The following AXDND1 variants were observed in gnomAD, a reference collection of about 807,000 sequenced individuals.
The protein encoded by AXDND1 is axonemal dynein light chain domain containing 1.
A neutral mutation model predicts 137.5 loss-of-function variants in AXDND1; 110 were observed. The observed-to-expected ratio is 0.80, with a 90% CI of 0.69 to 0.94. The LOEUF is 0.94. Among genes scored for constraint, AXDND1 ranks in the 40% least tolerant of loss-of-function variants. AXDND1 has a pLI of 0.00. For synonymous variants in AXDND1, 414 were observed against 399.7 expected, an observed-to-expected ratio of 1.04 and a Z score of -0.43; for missense variants, 1,191 against 1,169.8, an observed-to-expected ratio of 1.02 and a Z score of -0.26.
chr1:179,551,209 T>C (rs769514079), intron 25 of AXDND1: 1 of 1,614,148 alleles, frequency 6.2e-7, no homozygotes, highest in Non-Finnish European at 8.5e-7. Flanking sequence ...TAGGATTTAG[T>C]GGCTCAACAG....
At chr1:179,454,156 C>G (rs763330033) in intron 16 of AXDND1, 1 of 152,218 alleles carries the variant, frequency 6.6e-6, no homozygotes, top group South Asian at 2.1e-4. Flanking sequence ...CCACCCAGAT[C>G]TCATCTTGAA....
chr1:179,416,543 C>T (rs1654739644), intron 12 of AXDND1, among the ~76,000 whole-genome samples: 1 of 152,182 alleles, frequency 6.6e-6, no homozygotes, highest in Admixed American at 6.5e-5. Context: ...CAACAGCGTA[C>T]AAGTGGAGAC....
intron 17 of AXDND1, among the ~76,000 whole-genome samples, chr1:179,469,059 A>G (rs1365754225): frequency 6.6e-6 from 1 of 151,952 alleles, no homozygotes; most frequent in African/African-American, 2.4e-5. Context: ...CCTCCTGAGT[A>G]GCTGGGACTA....
At chr1:179,512,265 T>C (rs977317951) in intron 21 of AXDND1, among the ~76,000 whole-genome samples, 20 of 152,240 alleles carry the variant, frequency 1.3e-4, no homozygotes, top group Middle Eastern at 3.2e-3. Flanking sequence ...GGATCCAGTT[T>C]CGTTCTCCTA....
At chr1:179,531,182 A>T (rs1671006701) in intron 23 of AXDND1, among the ~76,000 whole-genome samples, 1 of 152,118 alleles carries the variant, frequency 6.6e-6, no homozygotes, top group Non-Finnish European at 1.5e-5. Flanking sequence ...TGGGGGCCAC[A>T]GGACTACCTG....
rs902035367 is a variant in AXDND1 at position 179,456,615 on chromosome 1, T to A, written c.1798+11411T>A. On this transcript the variant is annotated intron_variant, in intron 16 of 25. Coordinates refer to ENST00000367618, the MANE Select transcript of AXDND1 (RefSeq NM_144696.6). ...ATCATTACCAAACCCATTATAGCCA[T>A]CCCCACTGCCACCATATCCATCACC... The A allele has an allele frequency of 9.8e-5, 81 of 828,264 alleles. No homozygotes were observed. In the Admixed American group the frequency reaches 1.5e-3, roughly 15 times the overall value. 51.3% of individuals were successfully genotyped at this position (828,264 alleles called of 1,614,324 possible).
chr1:179,462,320 T>C (rs1187949866), intron 16 of AXDND1, among the ~76,000 whole-genome samples: 3 of 152,206 alleles, frequency 2.0e-5, no homozygotes, highest in African/African-American at 7.2e-5. Flanking sequence ...GTTTTTGTCT[T>C]TGGTTCTGTT....
intron 16 of AXDND1, among the ~76,000 whole-genome samples, chr1:179,459,123 T>C (rs1158381407): frequency 6.6e-6 from 1 of 152,080 alleles, no homozygotes; most frequent in Non-Finnish European, 1.5e-5. Flanking sequence ...ATGGGAAAAA[T>C]ACTTCCAAGC....
At chr1:179,542,210 A>C (rs1358460407) in intron 25 of AXDND1, among the ~76,000 whole-genome samples, 1 of 152,128 alleles carries the variant, frequency 6.6e-6, no homozygotes, top group Non-Finnish European at 1.5e-5. Context: ...AATATTTCTA[A>C]TATTAGAGGC....
intron 20 of AXDND1, among the ~76,000 whole-genome samples, chr1:179,498,359 A>G (rs1016133926): frequency 6.6e-6 from 1 of 152,078 alleles, no homozygotes; most frequent in Non-Finnish European, 1.5e-5. Flanking sequence ...ACACCTACCA[A>G]CCATCTGATC....
chr1:179,530,814 T>C (rs1670974560), intron 23 of AXDND1, among the ~76,000 whole-genome samples: 1 of 152,204 alleles, frequency 6.6e-6, no homozygotes, highest in African/African-American at 2.4e-5. Context: ...ACATTCTTCC[T>C]GTGGAATGGT....
At chr1:179,465,804 C>T (rs1346296150) in intron 16 of AXDND1, among the ~76,000 whole-genome samples, 2 of 152,216 alleles carry the variant, frequency 1.3e-5, no homozygotes, top group Non-Finnish European at 2.9e-5. Context: ...TGTTTACCTA[C>T]TCAAGCCTTA....
intron 16 of AXDND1, among the ~76,000 whole-genome samples, chr1:179,460,220 A>G (rs10798680): frequency 1 from 151,500 of 151,860 alleles, 75,575 homozygotes; most frequent in Middle Eastern, 1. Flanking sequence ...AGGCCTCGGT[A>G]TGTGATGTTC....
chr1:179,369,958 T>C lies in AXDND1; in HGVS notation c.271-17T>C, dbSNP rs751455931. On this transcript the variant is annotated splice_polypyrimidine_tract_variant and intron_variant, in intron 3 of 25. Coordinates refer to ENST00000367618, the MANE Select transcript of AXDND1 (RefSeq NM_144696.6). Reference sequence around the variant, plus strand: ...TCGCCCTCTGCTGGATATTCATGTGTATTTGCTTTTTCCCAGGGCACTCTT... The same window carrying C: ...TCGCCCTCTGCTGGATATTCATGTGCATTTGCTTTTTCCCAGGGCACTCTT... The C allele has an allele frequency of 6.4e-7, 1 of 1,573,828 alleles. No homozygotes were observed. Among genetic ancestry groups the C allele is most frequent in the South Asian group, 1.1e-5 (1 of 89,850 alleles).
intron 16 of AXDND1, among the ~76,000 whole-genome samples, chr1:179,464,475 A>G (rs112076660): frequency 1.3e-4 from 20 of 152,278 alleles, no homozygotes; most frequent in African/African-American, 4.3e-4. Flanking sequence ...AGCTTCTGCC[A>G]AGAGATCCGC....
chr1:179,437,274 A>C (rs1240188343), intron 15 of AXDND1, among the ~76,000 whole-genome samples: 1 of 152,150 alleles, frequency 6.6e-6, no homozygotes, highest in Non-Finnish European at 1.5e-5. Flanking sequence ...TGTATTTATT[A>C]GGCAAAAGAG....
chr1:179,542,992 T>C (rs530640331), intron 25 of AXDND1, among the ~76,000 whole-genome samples: 30 of 152,232 alleles, frequency 2.0e-4, no homozygotes, highest in African/African-American at 5.5e-4. Flanking sequence ...AGAAAATCCA[T>C]AGGTTAAATC....
chr1:179,385,222 A>G lies in AXDND1; in HGVS notation c.742-16A>G. 1 of 1,601,794 alleles carries G rather than the reference A, an allele frequency of 6.2e-7. No individual in the cohort carries two copies. The highest frequency in any genetic ancestry group is 8.6e-7 in the Non-Finnish European group (1 of 1,169,164). ...GACTGTAATAAGTACTGATTATGTTACTTACCTTCTGACAGATGCACAAAC... is the reference window on the plus strand; with the variant it reads ...GACTGTAATAAGTACTGATTATGTTGCTTACCTTCTGACAGATGCACAAAC... On this transcript the variant is annotated splice_polypyrimidine_tract_variant and intron_variant, in intron 8 of 25. Transcript: ENST00000367618.
chr1:179,509,403 G>T lies in AXDND1; in HGVS notation c.2496G>T (p.Glu832Asp). The T allele has an allele frequency of 6.4e-7, 1 of 1,571,428 alleles. No homozygotes were observed. The highest frequency in any genetic ancestry group is 1.1e-5 in the South Asian group (1 of 89,736). The change falls in exon 21 of 26, where the codon GAG (glutamate) becomes GAT (aspartate). Residue 832 changes from glutamate to aspartate, a missense_variant and splice_region_variant. Coordinates refer to ENST00000367618, the MANE Select transcript of AXDND1 (RefSeq NM_144696.6). ...AAGAAATAGAGCGGCTACTTGAAGA[G>T]GTATTTGCCACATGTTAGCGTTGGT... The part of the protein sequence containing the change: ...TYEEIERLLE[E>D]EAVKEFIEPE...
Sources: gnomAD v4.1 joint callset for allele counts (sites outside exome capture counted in the v4.1 genomes callset) on GRCh38, gnomAD v4.1.1 for gene constraint, MANE v1.5 for transcripts, NCBI Gene and HGNC (gene_info 2026-07-23, HGNC 2026-07-21) for gene names.